Variants in TET1 observed in about 807,000 individuals in gnomAD.
TET1 encodes the protein tet methylcytosine dioxygenase 1.
Under a neutral mutation model 148.7 loss-of-function variants are expected in TET1, and 13 were observed. That is an observed-to-expected ratio of 0.09 (90% CI 0.06 to 0.14). The LOEUF is 0.14. TET1 is among the 10% of genes least tolerant of loss of function. TET1 has a pLI of 1.00. For missense variants in TET1, 2,182 were observed against 2,553.8 expected, an observed-to-expected ratio of 0.85 and a Z score of 3.14; for synonymous variants, 907 against 937.2, an observed-to-expected ratio of 0.97 and a Z score of 0.59.
At chr10:68,611,553 A>G (rs574901594) in intron 3 of TET1, among the ~76,000 whole-genome samples, 2 of 152,144 alleles carry the variant, frequency 1.3e-5, no homozygotes, top group East Asian at 1.9e-4. Flanking sequence ...TCAGGAGGCT[A>G]GGGTGAGAGG....
chr10:68,644,844 C>T lies in TET1; in HGVS notation c.2115C>T (p.Ile705=), dbSNP rs778521078. The T allele has an allele frequency of 1.4e-5, 23 of 1,613,670 alleles. No homozygotes were observed. The highest frequency in any genetic ancestry group is 4.4e-5 in the South Asian group (4 of 91,020). Residue 705 remains isoleucine, a synonymous_variant, in exon 4 of 12, where the codon ATC becomes ATT. Coordinates refer to ENST00000373644, the MANE Select transcript of TET1 (RefSeq NM_030625.3). ...VTKNEDSMTG[I]EVEKWTQNKK... ...AAAATGAAGACAGCATGACAGGCAT[C>T]GAGGTGGAGAAGTGGACACAAAACA...
intron 10 of TET1, 141 bp downstream of exon 10, chr10:68,683,114 A>T: frequency 9.6e-7 from 1 of 1,043,998 alleles, no homozygotes; most frequent in Non-Finnish European, 1.3e-6. Flanking sequence ...ATAAAGTGAA[A>T]AAAAAGAAAT....
chr10:68,623,726 A>C (rs1032122466), intron 3 of TET1, among the ~76,000 whole-genome samples: 1 of 152,218 alleles, frequency 6.6e-6, no homozygotes, highest in Non-Finnish European at 1.5e-5. Flanking sequence ...TTCAGTGTAC[A>C]TCGAAACAGA....
chr10:68,582,091 T>G lies in TET1; in HGVS notation c.1914+7839T>G, dbSNP rs913823013. ...TTAGTTTAAATAGAAGCATATTAGA[T>G]GACACTATTTTTTTTTTTTTTTTAT... On this transcript the variant is annotated intron_variant, in intron 2 of 11. Coordinates refer to ENST00000373644, the MANE Select transcript of TET1 (RefSeq NM_030625.3). Among the ~76,000 whole-genome samples, 11 of 147,054 alleles carry G rather than the reference T, an allele frequency of 7.5e-5. No individual in the cohort carries two copies. The Middle Eastern group carries it at 0.01, about 140-fold the overall frequency.
At chr10:68,664,887 C>A (rs970291188) in intron 6 of TET1, among the ~76,000 whole-genome samples, 2 of 151,678 alleles carry the variant, frequency 1.3e-5, no homozygotes, top group African/African-American at 4.8e-5. Context: ...GGATCCTCCC[C>A]CCTCAGCCTT....
At chr10:68,643,121 C>T (rs1418722442) in intron 3 of TET1, among the ~76,000 whole-genome samples, 1 of 151,530 alleles carries the variant, frequency 6.6e-6, no homozygotes, top group East Asian at 1.9e-4. Flanking sequence ...ATTAGCCAGG[C>T]ATGGTGGTAT....
chr10:68,604,954 TG>T, intron 3 of TET1, among the ~76,000 whole-genome samples: 2 of 152,344 alleles, frequency 1.3e-5, no homozygotes, highest in Non-Finnish European at 2.9e-5. Context: ...ATAGTCTTTT[TG>T]GCTGGTAAGG....
chr10:68,654,103 C>T (rs561213814), intron 6 of TET1, among the ~76,000 whole-genome samples: 37 of 61,954 alleles, frequency 6.0e-4, no homozygotes, highest in African/African-American at 2.2e-3. Context: ...GCAAAAATGT[C>T]TCCAAAAAAA....
chr10:68,622,250 C>T (rs947586026), intron 3 of TET1, among the ~76,000 whole-genome samples: 8 of 141,984 alleles, frequency 5.6e-5, no homozygotes, highest in African/African-American at 7.7e-5. Context: ...TCCCTCCCTC[C>T]CTCCTTCCCT....
intron 8 of TET1, among the ~76,000 whole-genome samples, chr10:68,676,365 A>G (rs1273948333): frequency 1.5e-5 from 2 of 132,618 alleles, no homozygotes; most frequent in Non-Finnish European, 3.1e-5. Flanking sequence ...CTCACTGCAA[A>G]CTCCGCCTCC....
In TET1 at chr10:68,594,706, C is replaced by A. The variant is rs78493508; in HGVS notation, c.1915-6275C>A. Among the ~76,000 whole-genome samples, 497 of 152,094 alleles carry A rather than the reference C, an allele frequency of 3.3e-3. 2 individuals are homozygous for A. The highest frequency in any genetic ancestry group is 0.012 in the African/African-American group (481 of 41,514). On this transcript the variant is annotated intron_variant, in intron 2 of 11. Transcript: ENST00000373644. Reference sequence around the variant, plus strand: ...TTAAATCTATGAGAGAGAACGGGCGCGGTGACTCATGTCTGTACTCCCTGC... The same window carrying A: ...TTAAATCTATGAGAGAGAACGGGCGAGGTGACTCATGTCTGTACTCCCTGC...
chr10:68,579,183 C>T (rs1453857365), intron 2 of TET1, among the ~76,000 whole-genome samples: 1 of 152,308 alleles, frequency 6.6e-6, no homozygotes, highest in East Asian at 1.9e-4. Context: ...TGGTTTGTAG[C>T]ATTGCCAAAT....
intron 3 of TET1, among the ~76,000 whole-genome samples, chr10:68,643,626 G>A (rs1040924008): frequency 6.6e-6 from 1 of 151,916 alleles, no homozygotes; most frequent in Non-Finnish European, 1.5e-5. Context: ...TCCAAGACCA[G>A]CCTGGCCAAC....
At chr10:68,591,625 G>A (rs912993610) in intron 2 of TET1, among the ~76,000 whole-genome samples, 4 of 152,014 alleles carry the variant, frequency 2.6e-5, no homozygotes, top group Non-Finnish European at 2.9e-5. Flanking sequence ...CATAAAGGCC[G>A]GGCACAGTGG....
rs1424788210 is a variant in TET1 at position 68,682,838 on chromosome 10, G to C, written c.4917G>C (p.Val1639=). The C allele has an allele frequency of 6.2e-7, 1 of 1,612,846 alleles. No homozygotes were observed. The change falls in exon 10 of 12, where the codon GTG becomes GTC. Residue 1639 remains valine (V), a splice_region_variant and synonymous_variant. Transcript: ENST00000373644. The part of the protein sequence containing the change: ...QYAPVAYQNQ[V]EYENVARECR... ...GTGCTCCATGCTTTCTTTTCTAGGT[G>C]GAATATGAAAATGTTGCCCGAGAAT...
At chr10:68,598,067 T>C (rs2054007990) in intron 2 of TET1, among the ~76,000 whole-genome samples, 1 of 152,160 alleles carries the variant, frequency 6.6e-6, no homozygotes, top group African/African-American at 2.4e-5. Context: ...GTGAATGTAC[T>C]TAATGTCACT....
intron 3 of TET1, among the ~76,000 whole-genome samples, chr10:68,605,931 G>C (rs542022730): frequency 3.9e-5 from 6 of 152,292 alleles, no homozygotes; most frequent in African/African-American, 1.4e-4. Context: ...TTGCCGTGCT[G>C]CCCAGGCTGG....
At chr10:68,592,199 C>G (rs968488587) in intron 2 of TET1, among the ~76,000 whole-genome samples, 2 of 151,522 alleles carry the variant, frequency 1.3e-5, no homozygotes, top group Non-Finnish European at 2.9e-5. Context: ...GCCTGTAATC[C>G]CAGCTACTCG....
chr10:68,693,268 T>G lies in TET1; in HGVS notation c.*1454T>G. On this transcript the variant is annotated 3_prime_UTR_variant, in exon 12 of 12. Transcript: ENST00000373644. ...AACATGTTTCGAACAAGGAGAATTT[T>G]CAATGAAATACTTGATTCTGTTAAA... is the stretch of plus-strand genomic sequence containing the variant. 1 of 232,976 alleles carries G rather than the reference T, an allele frequency of 4.3e-6. No individual in the cohort carries two copies. 14.4% of individuals were successfully genotyped at this position (232,976 alleles called of 1,614,324 possible). A position where few individuals can be genotyped will look rare whatever the true frequency, so the allele number is the denominator to read the frequency against.
Sources: allele counts gnomAD v4.1 joint callset (sites outside exome capture counted in the v4.1 genomes callset), GRCh38; gene constraint gnomAD v4.1.1; transcripts MANE v1.5; gene names NCBI Gene and HGNC (gene_info 2026-07-23, HGNC 2026-07-21).